Variants in ARL15 observed in about 807,000 individuals in gnomAD.
ARL15 encodes the protein ADP-ribosylation factor-like protein 15.
In ARL15, 19 loss-of-function variants were observed where a neutral mutation model predicts 25.2. That is an observed-to-expected ratio of 0.75 (90% CI 0.53 to 1.10). ARL15 has a LOEUF of 1.10. Among genes scored for constraint, ARL15 ranks in the 50% least tolerant of loss-of-function variants. The probability of loss-of-function intolerance (pLI) is 0.00; values close to 1 mark genes in which losing one functional copy is unlikely to be tolerated. For synonymous variants in ARL15, 94 were observed against 86.8 expected (o/e 1.08, Z -0.46); for missense variants, 220 against 246.0 (o/e 0.89, Z 0.71).
chr5:54,299,288 G>A (rs1758551428), intron 1 of ARL15, among the ~76,000 whole-genome samples: 1 of 152,166 alleles, frequency 6.6e-6, no homozygotes, highest in East Asian at 1.9e-4. Context: ...GAGGCCGTAG[G>A]CATCCTCAAG....
chr5:54,127,846 G>A (rs901884918), intron 3 of ARL15, among the ~76,000 whole-genome samples: 14 of 151,470 alleles, frequency 9.2e-5, no homozygotes, highest in Admixed American at 1.3e-4. Flanking sequence ...ACAGAACAGA[G>A]CCCTCAGAAA....
At chr5:53,996,617 A>AT (rs1290727071) in intron 4 of ARL15, among the ~76,000 whole-genome samples, 2 of 92,580 alleles carry the variant, frequency 2.2e-5, no homozygotes, top group Non-Finnish European at 3.9e-5. Flanking sequence ...AGACTGTCTC[A>AT]TAAAAAAAAA....
intron 1 of ARL15, among the ~76,000 whole-genome samples, chr5:54,242,856 G>A (rs1174907808): frequency 6.6e-6 from 1 of 152,056 alleles, no homozygotes; most frequent in African/African-American, 2.4e-5. Flanking sequence ...CCTCCTTAGA[G>A]CATTCCAAAT....
intron 1 of ARL15, among the ~76,000 whole-genome samples, chr5:54,260,533 A>G (rs1331535284): frequency 6.6e-6 from 1 of 152,230 alleles, no homozygotes; most frequent in Non-Finnish European, 1.5e-5. Context: ...CTCAAAGACC[A>G]CAATGCTCCA....
At position 54,068,198 on chromosome 5, in the gene ARL15, A is replaced by G. The variant is rs191932172; in HGVS notation, c.462+45004T>C. 1.9e-3 allele frequency among the ~76,000 whole-genome samples: 292 copies of G among 152,350 alleles called. 2 individuals carry two copies. The highest frequency in any genetic ancestry group is 6.7e-3 in the African/African-American group (278 of 41,586). On this transcript the variant is annotated intron_variant, in intron 4 of 4. Transcript: ENST00000504924. ...TCTTCTTCCCATTTTAACAGACTAT[A>G]GAGAAAATGAGAGTGAAGGCAGAGT... is the stretch of plus-strand genomic sequence containing the variant.
chr5:54,287,962 G>A (rs187361332), intron 1 of ARL15, among the ~76,000 whole-genome samples: 33 of 152,284 alleles, frequency 2.2e-4, no homozygotes, highest in African/African-American at 7.9e-4. Flanking sequence ...GCAGTTCATA[G>A]TGCAAAATAA....
intron 4 of ARL15, among the ~76,000 whole-genome samples, chr5:53,979,917 C>T (rs1748067456): frequency 6.6e-6 from 1 of 151,256 alleles, no homozygotes. Flanking sequence ...GTTGGCCAAA[C>T]TGGTCTCAAA....
chr5:54,012,645 C>T (rs1749284713), intron 4 of ARL15, among the ~76,000 whole-genome samples: 1 of 151,970 alleles, frequency 6.6e-6, no homozygotes, highest in Non-Finnish European at 1.5e-5. Flanking sequence ...CTGCCTCAGC[C>T]TCCCAAGTAC....
chr5:53,977,155 A>G (rs372774349), intron 4 of ARL15, among the ~76,000 whole-genome samples: 4 of 152,156 alleles, frequency 2.6e-5, no homozygotes, highest in Middle Eastern at 3.4e-3. Flanking sequence ...TCAGGAGATC[A>G]AGACCATCCT....
intron 4 of ARL15, among the ~76,000 whole-genome samples, chr5:53,956,233 T>G (rs1161724055): frequency 1.3e-5 from 2 of 151,870 alleles, no homozygotes; most frequent in Non-Finnish European, 2.9e-5. Flanking sequence ...AGACCACATA[T>G]GATAAAGAAT....
intron 4 of ARL15, among the ~76,000 whole-genome samples, chr5:54,070,540 T>C (rs1459629443): frequency 6.6e-6 from 1 of 152,036 alleles, no homozygotes; most frequent in Non-Finnish European, 1.5e-5. Context: ...CCTCCAGGAC[T>C]ATAAGAAATA....
intron 1 of ARL15, among the ~76,000 whole-genome samples, chr5:54,202,314 C>T (rs550447382): frequency 9.2e-5 from 14 of 152,194 alleles, no homozygotes; most frequent in African/African-American, 3.1e-4. Flanking sequence ...ACTAATCAGC[C>T]GACCTTACAA....
intron 4 of ARL15, among the ~76,000 whole-genome samples, chr5:53,973,513 G>T (rs1435420451): frequency 6.7e-6 from 1 of 150,322 alleles, no homozygotes; most frequent in South Asian, 2.1e-4. Context: ...GGCAGAGGTT[G>T]CAGTGAGCCA....
intron 1 of ARL15, among the ~76,000 whole-genome samples, chr5:54,284,280 T>G (rs927530064): frequency 9.2e-5 from 14 of 152,304 alleles, no homozygotes; most frequent in Non-Finnish European, 1.8e-4. Flanking sequence ...ATATTTTAAT[T>G]TCTTTGTAGA....
At chr5:54,028,074 C>T (rs756108771) in intron 4 of ARL15, among the ~76,000 whole-genome samples, 6 of 152,034 alleles carry the variant, frequency 3.9e-5, no homozygotes, top group Non-Finnish European at 8.8e-5. Context: ...GCACCCGCCA[C>T]CACGCCCGGC....
At chr5:53,927,848 G>A (rs1489332213) in intron 4 of ARL15, among the ~76,000 whole-genome samples, 3 of 152,106 alleles carry the variant, frequency 2.0e-5, no homozygotes, top group Admixed American at 6.5e-5. Context: ...CTGGACTCCC[G>A]GCAGGCTGGG....
In ARL15 at chr5:54,171,823, G is replaced by C. The variant is rs368528994; in HGVS notation, c.154C>G (p.Leu52Val). The change falls in exon 2 of 5, where the codon CTC (leucine) becomes GTC (valine). Residue 52 changes from leucine (L) to valine (V), a missense_variant. By Grantham distance (32) the Leu-to-Val change is conservative. Transcript: ENST00000504924. ...ACGTTATCGGGGCTTTCACTGCAGA[G>C]TTTGGACAACAGACTGGTTTTGCCA... ...GSGKTSLLSKLCSESPDNVVS... is the reference protein window; with the variant it reads ...GSGKTSLLSKVCSESPDNVVS... 16 of 1,613,384 alleles carry C rather than the reference G, an allele frequency of 9.9e-6. No homozygotes were observed. In the African/African-American group the frequency reaches 1.9e-4, roughly 19 times the overall value.
Position 54,003,714 on chromosome 5 carries a change from A to C in ARL15, c.462+109488T>G, listed in dbSNP as rs186771621. Among the ~76,000 whole-genome samples, 100 of 135,094 alleles carry C rather than the reference A, an allele frequency of 7.4e-4. 1 individual carries two copies. The highest frequency in any genetic ancestry group is 1.2e-3 in the Non-Finnish European group (72 of 62,244). 88.6% of individuals were successfully genotyped at this position (135,094 alleles called of 152,430 possible). A position where few individuals can be genotyped will look rare whatever the true frequency, so the allele number is the denominator to read the frequency against. ...TATCTATCTATCTATCTATCTATCTATCTCTACTTTGGCCTGGAATTAAAC... is the reference window on the plus strand; with the variant it reads ...TATCTATCTATCTATCTATCTATCTCTCTCTACTTTGGCCTGGAATTAAAC... On this transcript the variant is annotated intron_variant, in intron 4 of 4. Transcript: ENST00000504924.
intron 1 of ARL15, among the ~76,000 whole-genome samples, chr5:54,304,432 G>A (rs75091647): frequency 0.047 from 7,102 of 152,258 alleles, 222 homozygotes; most frequent in Non-Finnish European, 0.071. Context: ...CCCCCGACCT[G>A]AGCACTGCCC....
Sources: allele counts gnomAD v4.1 joint callset (sites outside exome capture counted in the v4.1 genomes callset), GRCh38; gene constraint gnomAD v4.1.1; transcripts MANE v1.5; gene names NCBI Gene and HGNC (gene_info 2026-07-23, HGNC 2026-07-21).